ALK: variants seen among roughly 807,000 people sequenced by gnomAD.
ALK encodes ALK tyrosine kinase receptor.
A neutral mutation model predicts 163.1 loss-of-function variants in ALK; 74 were observed. The ratio of observed to expected loss-of-function variants is 0.45; its 90% confidence interval spans 0.38 to 0.55. The LOEUF (loss-of-function observed/expected upper bound fraction) is 0.55. Among genes scored for constraint, ALK ranks in the 20% least tolerant of loss-of-function variants. The probability of loss-of-function intolerance (pLI) is 0.00; values close to 1 mark genes in which losing one functional copy is unlikely to be tolerated. For synonymous variants in ALK, 960 were observed against 843.2 expected (o/e 1.14, Z -2.40); for missense variants, 2,063 against 2,105.3 (o/e 0.98, Z 0.39).
At chr2:29,852,841 T>G (rs1257152361) in intron 1 of ALK, among the ~76,000 whole-genome samples, 702 of 29,488 alleles carry the variant, frequency 0.024, 6 homozygotes, top group African/African-American at 0.038. Context: ...TTTCTCTCTC[T>G]CTCTCTCTCT....
chr2:29,452,332 G>GTTTTT (rs66533654), intron 4 of ALK, among the ~76,000 whole-genome samples: 6 of 146,104 alleles, frequency 4.1e-5, no homozygotes, highest in African/African-American at 1.5e-4. Flanking sequence ...AGTTTTTTTT[G>GTTTTT]TTTTTTTTTT....
chr2:29,264,931 C>A (rs533477879), intron 11 of ALK, among the ~76,000 whole-genome samples: 1 of 152,210 alleles, frequency 6.6e-6, no homozygotes, highest in South Asian at 2.1e-4. Context: ...CATACTCACT[C>A]GAACACACAC....
intron 3 of ALK, among the ~76,000 whole-genome samples, chr2:29,601,324 G>A (rs1367228494): frequency 6.6e-6 from 1 of 152,184 alleles, no homozygotes; most frequent in African/African-American, 2.4e-5. Flanking sequence ...TTAATGACTT[G>A]ATTCTGGTGC....
At chr2:29,778,173 C>T (rs1003531546) in intron 1 of ALK, among the ~76,000 whole-genome samples, 2 of 152,220 alleles carry the variant, frequency 1.3e-5, no homozygotes, top group Admixed American at 6.5e-5. Flanking sequence ...TTTGCATTCA[C>T]AGCACAGGAA....
intron 2 of ALK, among the ~76,000 whole-genome samples, chr2:29,701,358 T>C (rs956061307): frequency 3.3e-5 from 5 of 152,242 alleles, no homozygotes; most frequent in African/African-American, 7.2e-5. Flanking sequence ...CCCTCCAACA[T>C]TGCCCAGTTT....
At chr2:29,749,440 T>C (rs960901559) in intron 1 of ALK, among the ~76,000 whole-genome samples, 3 of 152,132 alleles carry the variant, frequency 2.0e-5, no homozygotes, top group African/African-American at 7.2e-5. Flanking sequence ...AGAGAACAAA[T>C]ACTCCAAAGG....
rs75122535 is a variant in ALK at position 29,649,878 on chromosome 2, C to A, written c.952+44972G>T. ...GCTTTCCTCCCTGGCTAGCCCTCAG[C>A]TCAGATATGATAACCCTAATATCTT... On this transcript the variant is annotated intron_variant, in intron 3 of 28. Transcript: ENST00000389048. Among the ~76,000 whole-genome samples, 156 of 152,276 alleles carry A rather than the reference C, an allele frequency of 1.0e-3. 1 individual carries two copies. The East Asian group carries it at 0.027, about 27-fold the overall frequency.
chr2:29,798,353 C>T lies in ALK; in HGVS notation c.668-80656G>A, dbSNP rs1009693088. 1.4e-4 allele frequency among the ~76,000 whole-genome samples: 22 copies of T among 152,168 alleles called. 1 individual carries two copies. The highest frequency in any genetic ancestry group is 5.3e-4 in the African/African-American group (22 of 41,436). On this transcript the variant is annotated intron_variant, in intron 1 of 28. Transcript: ENST00000389048. ...TCACTCACAGGGACAAAATTAGCCA[C>T]AGAAATCCCATCAAAGGGAAATCTA...
intron 1 of ALK, 45 bp downstream of exon 1, chr2:29,919,948 A>G: frequency 6.2e-7 from 1 of 1,603,248 alleles, no homozygotes; most frequent in Non-Finnish European, 8.5e-7. Context: ...TATCAATGTG[A>G]CTAAAAACAC....
intron 4 of ALK, among the ~76,000 whole-genome samples, chr2:29,488,531 T>G (rs550243189): frequency 6.6e-6 from 1 of 152,292 alleles, no homozygotes; most frequent in South Asian, 2.1e-4. Flanking sequence ...CAGATAATAT[T>G]GGTAAGAATC....
chr2:29,254,753 C>T (rs1406386017), intron 11 of ALK, among the ~76,000 whole-genome samples: 2 of 152,162 alleles, frequency 1.3e-5, no homozygotes, highest in African/African-American at 4.8e-5. Flanking sequence ...ACAATGACTA[C>T]AGTTTAAAAC....
intron 4 of ALK, among the ~76,000 whole-genome samples, chr2:29,470,713 T>C (rs986441435): frequency 6.6e-6 from 1 of 151,416 alleles, no homozygotes; most frequent in African/African-American, 2.4e-5. Context: ...CAGCAGACCC[T>C]TACTAAAAGA....
chr2:29,802,152 T>C (rs1477202173), intron 1 of ALK, among the ~76,000 whole-genome samples: 1 of 151,852 alleles, frequency 6.6e-6, no homozygotes, highest in Admixed American at 6.6e-5. Flanking sequence ...AAGAAACCCA[T>C]GCATGTCTCC....
chr2:29,294,279 GC>G (rs1334678871), intron 9 of ALK, among the ~76,000 whole-genome samples: 2 of 152,226 alleles, frequency 1.3e-5, no homozygotes, highest in African/African-American at 4.8e-5. Context: ...GGAAGAGAAT[GC>G]TTTTTGCTCC....
chr2:29,496,872 G>A (rs1215534608), intron 4 of ALK, among the ~76,000 whole-genome samples: 4 of 152,174 alleles, frequency 2.6e-5, no homozygotes, highest in Non-Finnish European at 4.4e-5. Context: ...TGCTGTCACT[G>A]CTCAAAAAGG....
At chr2:29,242,657 C>A (rs1005412714) in intron 12 of ALK, among the ~76,000 whole-genome samples, 1 of 152,148 alleles carries the variant, frequency 6.6e-6, no homozygotes, top group East Asian at 1.9e-4. Context: ...GGCTGTGTGA[C>A]CTGAGGCAAC....
In ALK at chr2:29,920,147, G is replaced by A. The variant is rs534035801; in HGVS notation, c.513C>T (p.Ser171=). 1.9e-5 allele frequency: 31 copies of A among 1,613,830 alleles called. No homozygotes were observed. In the East Asian group the frequency reaches 4.5e-4, roughly 23 times the overall value. ...GGCGAATCCACCAACTGAACAGCTC[G>A]CTGAGATTGAACTGGAGCAGCCCCA... The part of the protein sequence containing the change: ...AAVGLLQFNL[S]ELFSWWIRQG... The change falls in exon 1 of 29, where the codon AGC becomes AGT. Residue 171 remains serine, a synonymous_variant. Transcript: ENST00000389048.
At chr2:29,909,900 C>A (rs1667656031) in intron 1 of ALK, among the ~76,000 whole-genome samples, 2 of 129,632 alleles carry the variant, frequency 1.5e-5, no homozygotes, top group African/African-American at 3.0e-5. Context: ...AATTAACTGT[C>A]AAAGAAAATT....
intron 4 of ALK, among the ~76,000 whole-genome samples, chr2:29,507,713 C>A (rs947572878): frequency 6.6e-6 from 1 of 152,050 alleles, no homozygotes; most frequent in African/African-American, 2.4e-5. Flanking sequence ...ATGAGTTGAA[C>A]ACAAACAAAT....
Sources: gnomAD v4.1 joint callset for allele counts (sites outside exome capture counted in the v4.1 genomes callset) on GRCh38, gnomAD v4.1.1 for gene constraint, MANE v1.5 for transcripts, NCBI Gene and HGNC (gene_info 2026-07-23, HGNC 2026-07-21) for gene names.